The following HECW1 variants were observed in gnomAD, a reference collection of about 807,000 sequenced individuals.
The protein encoded by HECW1 is HECT, C2 and WW domain containing E3 ubiquitin protein ligase 1, also known as E3 ubiquitin-protein ligase HECW1.
A neutral mutation model predicts 182.3 loss-of-function variants in HECW1; 61 were observed. The observed-to-expected ratio is 0.33, with a 90% confidence interval of 0.27 to 0.41. The LOEUF is 0.41. Among genes scored for constraint, HECW1 ranks in the 10% least tolerant of loss-of-function variants. HECW1 has a pLI of 1.00. For synonymous variants in HECW1, 859 were observed against 832.6 expected (o/e 1.03, Z -0.55); for missense variants, 1,739 against 2,108.9 (o/e 0.82, Z 3.44).
intron 4 of HECW1, among the ~76,000 whole-genome samples, chr7:43,316,765 CTT>C (rs1228726429): frequency 2.2e-4 from 26 of 116,832 alleles, no homozygotes; most frequent in East Asian, 5.1e-4. Context: ...CTCCCCTCCC[CTT>C]TTCTCTCCTC....
At chr7:43,203,491 G>C (rs1476407035) in intron 2 of HECW1, among the ~76,000 whole-genome samples, 2 of 151,844 alleles carry the variant, frequency 1.3e-5, no homozygotes, top group African/African-American at 2.4e-5. Flanking sequence ...CTTGCTTGTT[G>C]CCCAGGCTGG....
At chr7:43,262,938 A>T (rs1258460791) in intron 3 of HECW1, among the ~76,000 whole-genome samples, 1 of 152,214 alleles carries the variant, frequency 6.6e-6, no homozygotes, top group Non-Finnish European at 1.5e-5. Flanking sequence ...CCACCCATTT[A>T]TGAACAGTCA....
intron 2 of HECW1, among the ~76,000 whole-genome samples, chr7:43,170,233 T>C (rs542820212): frequency 2.0e-5 from 3 of 152,326 alleles, no homozygotes; most frequent in Admixed American, 1.3e-4. Flanking sequence ...TGATGATCTG[T>C]TACTGTATAT....
chr7:43,167,856 A>C (rs1255148539), intron 2 of HECW1, among the ~76,000 whole-genome samples: 2 of 152,184 alleles, frequency 1.3e-5, no homozygotes, highest in Non-Finnish European at 2.9e-5. Context: ...CCCTGTTTTA[A>C]AGAGGAAACA....
chr7:43,412,825 T>C (rs1397470612), intron 8 of HECW1, among the ~76,000 whole-genome samples: 1 of 151,090 alleles, frequency 6.6e-6, no homozygotes, highest in Non-Finnish European at 1.5e-5. Flanking sequence ...GGTGTATAAG[T>C]GCCACATTTT....
intron 27 of HECW1, 107 bp from the exon 28 acceptor site, chr7:43,552,115 A>T: frequency 1.4e-6 from 1 of 693,678 alleles, no homozygotes; most frequent in East Asian, 2.6e-5. Context: ...CAAAAAAAGT[A>T]TTGCCAGTGA....
chr7:43,378,923 G>A (rs571346326), intron 6 of HECW1, among the ~76,000 whole-genome samples: 1 of 152,270 alleles, frequency 6.6e-6, no homozygotes, highest in Admixed American at 6.5e-5. Flanking sequence ...TTTGCGCTTT[G>A]AACAGGAAAG....
intron 26 of HECW1, among the ~76,000 whole-genome samples, chr7:43,547,578 G>A (rs2081613366): frequency 6.6e-6 from 1 of 151,288 alleles, no homozygotes; most frequent in South Asian, 2.1e-4. Context: ...TTTTCAATAT[G>A]AGATAAAAAG....
intron 16 of HECW1, among the ~76,000 whole-genome samples, chr7:43,471,151 A>G (rs2078007025): frequency 1.3e-5 from 2 of 152,270 alleles, no homozygotes; most frequent in Admixed American, 1.3e-4. Context: ...ATAATCCAAG[A>G]TCAAGATTGT....
chr7:43,483,566 T>TTTTTTC (rs2078516048), intron 17 of HECW1, among the ~76,000 whole-genome samples: 1 of 149,042 alleles, frequency 6.7e-6, no homozygotes, highest in East Asian at 2.0e-4. Flanking sequence ...TTTTTTTTTT[T>TTTTTTC]GAGCTAGAGT....
chr7:43,440,931 A>G (rs1365557007), intron 9 of HECW1, among the ~76,000 whole-genome samples: 1 of 152,212 alleles, frequency 6.6e-6, no homozygotes, highest in Non-Finnish European at 1.5e-5. Flanking sequence ...AGTGTTTTCT[A>G]GAAAGAAACA....
chr7:43,345,565 T>A (rs1448346392), intron 5 of HECW1, among the ~76,000 whole-genome samples: 14 of 152,066 alleles, frequency 9.2e-5, no homozygotes, highest in Admixed American at 2.0e-4. Context: ...CCTGTAGTCT[T>A]TTATCCCTCG....
At chr7:43,348,824 G>T (rs1171279958) in intron 5 of HECW1, among the ~76,000 whole-genome samples, 5 of 152,072 alleles carry the variant, frequency 3.3e-5, no homozygotes, top group Admixed American at 3.3e-4. Context: ...GGTTTTAAAG[G>T]TTCCTTTTGG....
At chr7:43,418,921 T>A (rs1392410854) in intron 8 of HECW1, among the ~76,000 whole-genome samples, 1 of 152,214 alleles carries the variant, frequency 6.6e-6, no homozygotes, top group Non-Finnish European at 1.5e-5. Context: ...GGGGTATTGA[T>A]GTTTTGTTAC....
At chr7:43,311,454 G>C (rs930746877) in intron 3 of HECW1, among the ~76,000 whole-genome samples, 1 of 152,158 alleles carries the variant, frequency 6.6e-6, no homozygotes, top group Non-Finnish European at 1.5e-5. Context: ...ACACCTTCAG[G>C]GTCATTCTGC....
intron 6 of HECW1, among the ~76,000 whole-genome samples, chr7:43,380,381 C>T (rs1358574231): frequency 6.6e-6 from 1 of 151,756 alleles, no homozygotes; most frequent in Admixed American, 6.6e-5. Flanking sequence ...GTTTCTTTTG[C>T]TCAACATTAC....
intron 2 of HECW1, among the ~76,000 whole-genome samples, chr7:43,221,952 T>C (rs1797022052): frequency 6.6e-6 from 1 of 152,206 alleles, no homozygotes; most frequent in African/African-American, 2.4e-5. Context: ...TTACTCAAAA[T>C]GTAGTCCTTA....
chr7:43,508,913 G>T, intron 23 of HECW1, 56 bp from the exon 24 acceptor site: 1 of 1,583,924 alleles, frequency 6.3e-7, no homozygotes, highest in South Asian at 1.1e-5. Flanking sequence ...GGTGCAAACA[G>T]GTCCCCCCAC....
intron 8 of HECW1, among the ~76,000 whole-genome samples, chr7:43,411,407 G>A (rs2075799578): frequency 6.6e-6 from 1 of 152,026 alleles, no homozygotes; most frequent in Non-Finnish European, 1.5e-5. Context: ...AGCATATGAT[G>A]CATTTTGGTA....
Sources: allele counts gnomAD v4.1 joint callset (sites outside exome capture counted in the v4.1 genomes callset), GRCh38; gene constraint gnomAD v4.1.1; transcripts MANE v1.5; gene names NCBI Gene and HGNC (gene_info 2026-07-23, HGNC 2026-07-21).